RORB: variants seen among roughly 807,000 people sequenced by gnomAD.
RORB encodes RAR related orphan receptor B.
Under a neutral mutation model 59.1 loss-of-function variants are expected in RORB, and 6 were observed. The ratio of observed to expected loss-of-function variants is 0.10; its 90% CI spans 0.06 to 0.20. RORB has a LOEUF of 0.20. Ranked by LOEUF, RORB falls within the 10% of genes least tolerant of loss-of-function variation. RORB has a pLI of 1.00. For synonymous variants in RORB, 215 were observed against 204.5 expected (o/e 1.05, Z -0.44); for missense variants, 320 against 560.5 (o/e 0.57, Z 4.33).
At chr9:74,641,035 A>C (rs1823794755) in intron 3 of RORB, among the ~76,000 whole-genome samples, 1 of 152,084 alleles carries the variant, frequency 6.6e-6, no homozygotes, top group Non-Finnish European at 1.5e-5. Context: ...TCTAAACTCC[A>C]TTTCCTTCTT....
chr9:74,532,469 C>T (rs549557445), intron 1 of RORB, among the ~76,000 whole-genome samples: 48 of 151,892 alleles, frequency 3.2e-4, no homozygotes, highest in Admixed American at 5.9e-4. Context: ...TTGCTGCTTT[C>T]CTTATTGGTT....
chr9:74,597,632 G>C (rs1040125158), intron 1 of RORB, among the ~76,000 whole-genome samples: 1 of 58,062 alleles, frequency 1.7e-5, no homozygotes, highest in African/African-American at 4.5e-5. Context: ...TGGAAATATA[G>C]TATAAAAAAA....
Position 74,691,096 on chromosome 9 carries a change from G to C in RORB, c.*5478G>C, listed in dbSNP as rs1023259511. The C allele has an allele frequency of 9.2e-5, 14 of 152,250 alleles. No individual in the cohort carries two copies. The highest frequency in any genetic ancestry group is 1.9e-4 in the Non-Finnish European group (13 of 68,080). The allele number at this position is 152,250 out of a possible 1,614,324, so 9.4% of individuals were successfully genotyped here. On this transcript the variant is annotated 3_prime_UTR_variant, in exon 10 of 10. Transcript: ENST00000376896. ...TGCAGCAGATGGGGGTTGTCTGTTT[G>C]TGCACTTTTTTCCTAAGCTGCTGAA...
Position 74,497,925 on chromosome 9 carries a change from T to C in RORB, c.-52T>C. On this transcript the variant is annotated 5_prime_UTR_variant, in exon 1 of 10. Coordinates refer to ENST00000376896, the MANE Select transcript of RORB (RefSeq NM_006914.4). ...AGCGGGATTTTTGGGCTCTCCGGGG[T>C]TCGGGCTGGGAGCAGCTTCATGACT... 6.2e-7 allele frequency: 1 copy of C among 1,605,928 alleles called. No homozygotes were observed. Among genetic ancestry groups the C allele is most frequent in the African/African-American group, 1.3e-5 (1 of 74,830 alleles).
intron 1 of RORB, among the ~76,000 whole-genome samples, chr9:74,585,783 G>A (rs1298376115): frequency 3.0e-5 from 1 of 33,884 alleles, no homozygotes; most frequent in Non-Finnish European, 8.2e-5. Context: ...TTTCACAGGG[G>A]ATATTTATTT....
chr9:74,514,704 T>G (rs1664322058), intron 1 of RORB, among the ~76,000 whole-genome samples: 1 of 149,298 alleles, frequency 6.7e-6, no homozygotes, highest in Non-Finnish European at 1.5e-5. Context: ...ATACGTAAAA[T>G]GAATGATAGA....
At chr9:74,679,250 G>T (rs1009842313) in intron 9 of RORB, among the ~76,000 whole-genome samples, 24 of 151,930 alleles carry the variant, frequency 1.6e-4, no homozygotes, top group Admixed American at 3.9e-4. Context: ...TTTCTATTTG[G>T]TCAGGACTTT....
chr9:74,591,732 A>G (rs1440069821), intron 1 of RORB, among the ~76,000 whole-genome samples: 1 of 152,220 alleles, frequency 6.6e-6, no homozygotes, highest in Non-Finnish European at 1.5e-5. Context: ...AGCCAAATGT[A>G]TTCACACTAA....
chr9:74,510,148 GACTCCAATT>G (rs1423770730), intron 1 of RORB, among the ~76,000 whole-genome samples: 1 of 151,968 alleles, frequency 6.6e-6, no homozygotes, highest in Non-Finnish European at 1.5e-5. Context: ...TATTCTGCAG[GACTCCAATT>G]GATCGTATTA....
intron 1 of RORB, among the ~76,000 whole-genome samples, chr9:74,547,416 C>G (rs116777659): frequency 1.2e-3 from 187 of 152,232 alleles, no homozygotes; most frequent in African/African-American, 4.4e-3. Flanking sequence ...GGACCGAAGA[C>G]CTTCTACCAA....
chr9:74,636,949 T>C (rs1027743401), intron 3 of RORB, among the ~76,000 whole-genome samples: 6 of 152,194 alleles, frequency 3.9e-5, no homozygotes, highest in African/African-American at 1.4e-4. Flanking sequence ...TGAATAGGTT[T>C]TACCTCCTAT....
chr9:74,549,452 A>G (rs1563934340), intron 1 of RORB, among the ~76,000 whole-genome samples: 6 of 146,580 alleles, frequency 4.1e-5, no homozygotes. Flanking sequence ...AAAAAAAAAA[A>G]AAGAAGAAAG....
chr9:74,569,259 C>A (rs1822514364), intron 1 of RORB, among the ~76,000 whole-genome samples: 1 of 151,752 alleles, frequency 6.6e-6, no homozygotes, highest in Non-Finnish European at 1.5e-5. Flanking sequence ...TCTTATAAAG[C>A]TTGTGTTTAT....
At chr9:74,506,937 C>T (rs1055649350) in intron 1 of RORB, among the ~76,000 whole-genome samples, 2 of 151,988 alleles carry the variant, frequency 1.3e-5, no homozygotes, top group African/African-American at 4.8e-5. Context: ...TAGAAGAATT[C>T]GAGAAGTGCA....
chr9:74,538,308 T>C (rs937724781), intron 1 of RORB, among the ~76,000 whole-genome samples: 1 of 152,108 alleles, frequency 6.6e-6, no homozygotes, highest in Non-Finnish European at 1.5e-5. Context: ...TGCATGATTG[T>C]ATTCTTGTTC....
chr9:74,501,121 C>T (rs1825799353), intron 1 of RORB, among the ~76,000 whole-genome samples: 1 of 152,060 alleles, frequency 6.6e-6, no homozygotes, highest in Non-Finnish European at 1.5e-5. Flanking sequence ...ATTTTTCAGT[C>T]CTGCCTCCAC....
chr9:74,504,785 GA>G (rs1209184032), intron 1 of RORB, among the ~76,000 whole-genome samples: 6 of 151,998 alleles, frequency 3.9e-5, no homozygotes, highest in Non-Finnish European at 5.9e-5. Flanking sequence ...TGGAGTATAT[GA>G]AAAACTTGGG....
At chr9:74,642,032 T>C (rs1036019275) in intron 3 of RORB, among the ~76,000 whole-genome samples, 1 of 152,160 alleles carries the variant, frequency 6.6e-6, no homozygotes, top group Non-Finnish European at 1.5e-5. Context: ...GAAAAGTTAG[T>C]TATGAGTGTT....
At chr9:74,671,736 G>T in intron 8 of RORB, 53 bp from the exon 9 acceptor site, 1 of 1,128,948 alleles carries the variant, frequency 8.9e-7, no homozygotes, top group South Asian at 1.4e-5. Flanking sequence ...GTATGTGGGT[G>T]AAGCAAAACA....
Sources: gnomAD v4.1 joint callset for allele counts (sites outside exome capture counted in the v4.1 genomes callset) on GRCh38, gnomAD v4.1.1 for gene constraint, MANE v1.5 for transcripts, NCBI Gene and HGNC (gene_info 2026-07-23, HGNC 2026-07-21) for gene names.